PRKN: variants seen among roughly 807,000 people sequenced by gnomAD.
PRKN encodes parkin RBR E3 ubiquitin protein ligase.
In PRKN, 56 loss-of-function variants were observed where a neutral mutation model predicts 59.5. The ratio of observed to expected loss-of-function variants is 0.94; its 90% CI spans 0.76 to 1.18. The LOEUF is 1.18. Ranked by LOEUF, PRKN falls within the 50% of genes most tolerant of loss-of-function variation. The pLI, the probability that PRKN is intolerant of heterozygous loss-of-function variation, is 0.00. For synonymous variants in PRKN, 250 were observed against 222.1 expected (o/e 1.13, Z -1.12); for missense variants, 657 against 596.4 (o/e 1.10, Z -1.06).
intron 7 of PRKN, among the ~76,000 whole-genome samples, chr6:161,639,042 G>A (rs968071366): frequency 4.6e-5 from 7 of 152,040 alleles, no homozygotes; most frequent in Admixed American, 2.0e-4. Flanking sequence ...GTGCCCAGCC[G>A]ATCTGACGGT....
intron 1 of PRKN, among the ~76,000 whole-genome samples, chr6:162,726,931 C>G (rs1425867753): frequency 6.6e-6 from 1 of 151,974 alleles, no homozygotes; most frequent in South Asian, 2.1e-4. Context: ...TCTTACACAT[C>G]AAGTGTTCAT....
At chr6:162,382,466 G>A (rs549250945) in intron 2 of PRKN, among the ~76,000 whole-genome samples, 174 of 152,296 alleles carry the variant, frequency 1.1e-3, no homozygotes, top group African/African-American at 4.1e-3. Context: ...ATACAATGCT[G>A]TAGTCTATTA....
chr6:162,550,714 G>A (rs1779301900), intron 1 of PRKN, among the ~76,000 whole-genome samples: 1 of 152,114 alleles, frequency 6.6e-6, no homozygotes, highest in Non-Finnish European at 1.5e-5. Context: ...CAAGTCTCTG[G>A]TGGATGTGCA....
At chr6:162,355,186 G>A (rs1389439217) in intron 2 of PRKN, among the ~76,000 whole-genome samples, 2 of 151,150 alleles carry the variant, frequency 1.3e-5, no homozygotes, top group East Asian at 3.9e-4. Flanking sequence ...AGAGAAATTG[G>A]ACTTTATTTA....
At position 161,399,142 on chromosome 6, in the gene PRKN, C is replaced by T. The variant is rs991740069; in HGVS notation, c.1084-12265G>A. ...GGAGATTGGCTGCTGGACGGCCCAA[C>T]TCCAGGGGAAGATCATCTTTCTACT... On this transcript the variant is annotated intron_variant, in intron 9 of 11. Transcript: ENST00000366898. This position sits in a 1 kb window ranked among gnomAD's most constrained non-coding sequence, Gnocchi z 4.4. 2.0e-5 allele frequency among the ~76,000 whole-genome samples: 3 copies of T among 152,148 alleles called. No homozygotes were observed. The highest frequency in any genetic ancestry group is 2.0e-4 in the Admixed American group (3 of 15,276).
At chr6:161,431,972 G>C (rs925150692) in intron 9 of PRKN, among the ~76,000 whole-genome samples, 1 of 152,274 alleles carries the variant, frequency 6.6e-6, no homozygotes, top group East Asian at 1.9e-4. Context: ...TCTTGACAAT[G>C]TTTGATCATG....
rs1470320609 is a variant in PRKN at position 161,638,574 on chromosome 6, C to T, written c.872-69158G>A. Among the ~76,000 whole-genome samples, 7 of 152,072 alleles carry T rather than the reference C, an allele frequency of 4.6e-5. No individual in the cohort carries two copies. The East Asian group carries it at 1.2e-3, about 25-fold the overall frequency. On this transcript the variant is annotated intron_variant, in intron 7 of 11. Transcript: ENST00000366898. ...GTCCTACAGCTGGGACTAGAAATCC[C>T]TAGTAATATGGTTTGACTATGTCCC...
At chr6:162,262,806 A>G (rs1488727974) in intron 2 of PRKN, 41 bp from the exon 3 acceptor site, 1 of 1,584,720 alleles carries the variant, frequency 6.3e-7, no homozygotes, top group Admixed American at 1.7e-5. Flanking sequence ...AAAAAAAAGG[A>G]AATGTCAAAC....
At chr6:161,656,258 G>T (rs1362324164) in intron 7 of PRKN, among the ~76,000 whole-genome samples, 2 of 152,208 alleles carry the variant, frequency 1.3e-5, no homozygotes, top group African/African-American at 4.8e-5. Flanking sequence ...GCATCTTTGA[G>T]TTGCTTCAGG....
At chr6:162,638,575 T>C (rs2849554) in intron 1 of PRKN, among the ~76,000 whole-genome samples, 139,435 of 152,102 alleles carry the variant, frequency 0.92, 64,069 homozygotes, top group Admixed American at 0.97. Context: ...TCTTCAGTTT[T>C]CCTCTGGCCA....
intron 6 of PRKN, among the ~76,000 whole-genome samples, chr6:161,893,040 A>C (rs2128232579): frequency 6.6e-6 from 1 of 152,270 alleles, no homozygotes; most frequent in South Asian, 2.1e-4. Flanking sequence ...ATGGGGTTTC[A>C]CCATCTTGGC....
intron 1 of PRKN, among the ~76,000 whole-genome samples, chr6:162,669,840 G>A (rs1161032077): frequency 6.6e-6 from 1 of 152,134 alleles, no homozygotes; most frequent in African/African-American, 2.4e-5. Flanking sequence ...TTATAGGATT[G>A]AGGGATGGCA....
chr6:161,929,319 T>C (rs1779081590), intron 6 of PRKN, among the ~76,000 whole-genome samples: 2 of 151,986 alleles, frequency 1.3e-5, no homozygotes, highest in African/African-American at 2.4e-5. Context: ...GACTGAGAGA[T>C]AGAAAGTAGC....
intron 4 of PRKN, among the ~76,000 whole-genome samples, chr6:162,169,917 C>G (rs1291816891): frequency 6.6e-6 from 1 of 152,164 alleles, no homozygotes; most frequent in African/African-American, 2.4e-5. Flanking sequence ...GGATGACATT[C>G]TGATACTAGA....
chr6:161,664,914 G>A (rs898485777), intron 7 of PRKN, among the ~76,000 whole-genome samples: 13 of 151,200 alleles, frequency 8.6e-5, no homozygotes, highest in African/African-American at 2.9e-4. Flanking sequence ...TCAGCCTCCC[G>A]AGTAGCTGGG....
chr6:162,297,270 T>C (rs147199655), intron 2 of PRKN, among the ~76,000 whole-genome samples: 16 of 150,620 alleles, frequency 1.1e-4, no homozygotes, highest in Middle Eastern at 7.0e-3. Context: ...GGACCTAAAA[T>C]AGCTCTGGGT....
chr6:161,852,282 C>CA (rs1562337451), intron 6 of PRKN, among the ~76,000 whole-genome samples: 1 of 151,854 alleles, frequency 6.6e-6, no homozygotes, highest in Admixed American at 6.6e-5. Flanking sequence ...TCCATCTCTA[C>CA]AAAAAACAAA....
chr6:161,897,129 C>T (rs753113496), intron 6 of PRKN, among the ~76,000 whole-genome samples: 30 of 152,186 alleles, frequency 2.0e-4, no homozygotes, highest in African/African-American at 3.4e-4. Flanking sequence ...GCTAAACAGC[C>T]GATAGCTGAG....
Position 161,674,699 on chromosome 6 carries a change from T to C in PRKN, c.872-105283A>G, listed in dbSNP as rs193236038. On this transcript the variant is annotated intron_variant, in intron 7 of 11. Coordinates refer to ENST00000366898, the MANE Select transcript of PRKN (RefSeq NM_004562.3). Reference sequence around the variant, plus strand: ...TATGATCAGAACTGATGCTATTTTTTCCTTCTTAGAGGAATACACAAAAAA... The same window carrying C: ...TATGATCAGAACTGATGCTATTTTTCCCTTCTTAGAGGAATACACAAAAAA... Among the ~76,000 whole-genome samples the C allele has an allele frequency of 9.8e-5, 15 of 152,338 alleles. No homozygotes were observed. The East Asian group carries it at 2.9e-3, about 29-fold the overall frequency.
Sources: gnomAD v4.1 joint callset for allele counts (sites outside exome capture counted in the v4.1 genomes callset) on GRCh38, gnomAD v4.1.1 for gene constraint, Gnocchi (gnomAD v3.1) non-coding constraint, MANE v1.5 for transcripts, NCBI Gene and HGNC (gene_info 2026-07-23, HGNC 2026-07-21) for gene names.